NDRG3: variants seen among roughly 807,000 people sequenced by gnomAD.
NDRG3 encodes the protein NDRG family member 3.
Under a neutral mutation model 57.2 loss-of-function variants are expected in NDRG3, and 23 were observed. The observed-to-expected ratio is 0.40, with a 90% CI of 0.29 to 0.57. NDRG3 has a LOEUF of 0.57. Ranked by LOEUF, NDRG3 falls within the 20% of genes least tolerant of loss-of-function variation. The pLI is 0.42. For synonymous variants in NDRG3, 132 were observed against 162.6 expected (o/e 0.81, Z 1.43); for missense variants, 384 against 457.3 (o/e 0.84, Z 1.46).
chr20:36,723,621 T>C (rs564834703), intron 1 of NDRG3, among the ~76,000 whole-genome samples: 1 of 150,710 alleles, frequency 6.6e-6, no homozygotes, highest in East Asian at 1.9e-4. Context: ...TATGTCTGAT[T>C]GGTGGAAATC....
chr20:36,717,682 C>T (rs555623369), intron 2 of NDRG3, among the ~76,000 whole-genome samples: 1 of 152,262 alleles, frequency 6.6e-6, no homozygotes, highest in South Asian at 2.1e-4. Flanking sequence ...GCACTTGGCA[C>T]ATAAGAGATA....
rs543884599 is a variant in NDRG3 at position 36,738,340 on chromosome 20, C to T, written c.-49+7705G>A. Among the ~76,000 whole-genome samples, 7 of 149,574 alleles carry T rather than the reference C, an allele frequency of 4.7e-5. No homozygotes were observed. In the South Asian group the frequency reaches 1.5e-3, roughly 32 times the overall value. On this transcript the variant is annotated intron_variant, in intron 1 of 15. Coordinates refer to ENST00000349004, the MANE Select transcript of NDRG3 (RefSeq NM_032013.4). ...TGAAACCCCGTCTCTAATAAAAATA[C>T]AAAAATTAGCCAGGCATGGTGGCAG...
chr20:36,739,134 C>CAAAAA (rs57208101), intron 1 of NDRG3, among the ~76,000 whole-genome samples: 1 of 87,310 alleles, frequency 1.1e-5, no homozygotes, highest in African/African-American at 5.6e-5. Flanking sequence ...GACCCCATCT[C>CAAAAA]AAAAAAAAAA....
chr20:36,687,345 A>C, intron 5 of NDRG3, 147 bp downstream of exon 5: 2 of 1,014,376 alleles, frequency 2.0e-6, no homozygotes, highest in Non-Finnish European at 1.4e-6. Context: ...CAGCCCAAGG[A>C]GAGAAAATAT....
intron 3 of NDRG3, among the ~76,000 whole-genome samples, chr20:36,703,946 A>G (rs1983400040): frequency 6.6e-6 from 1 of 152,250 alleles, no homozygotes; most frequent in Non-Finnish European, 1.5e-5. Flanking sequence ...TGGAAAAAAA[A>G]TCTCAAATGA....
At chr20:36,666,522 G>A (rs1446869762) in intron 9 of NDRG3, 130 bp from the exon 10 acceptor site, 2 of 661,832 alleles carry the variant, frequency 3.0e-6, no homozygotes, top group Non-Finnish European at 5.5e-6. Context: ...AGAGCCTGGG[G>A]ACTACTGATG....
chr20:36,653,929 C>T lies in NDRG3; in HGVS notation c.947-228G>A, dbSNP rs981357145. ...TGGAATCTCAGCTGATTGTAGTCAC[C>T]GCAGAACAAGGGGAAACCCTAAATC... On this transcript the variant is annotated intron_variant, in intron 15 of 15. Transcript: ENST00000349004. The surrounding 1 kb of genome is among the most constrained non-coding windows in gnomAD (Gnocchi z 4.2). Among the ~76,000 whole-genome samples, 9 of 152,094 alleles carry T rather than the reference C, an allele frequency of 5.9e-5. No homozygotes were observed. Among genetic ancestry groups the T allele is most frequent in the African/African-American group, 1.9e-4 (8 of 41,398 alleles).
At chr20:36,736,781 G>GAA (rs1426445061) in intron 1 of NDRG3, among the ~76,000 whole-genome samples, 6 of 152,080 alleles carry the variant, frequency 3.9e-5, no homozygotes, top group Non-Finnish European at 5.9e-5. Flanking sequence ...CTGCATAAAG[G>GAA]AAAGTCTGGG....
chr20:36,680,732 T>C (rs769541204), intron 8 of NDRG3, 84 bp downstream of exon 8: 4 of 987,114 alleles, frequency 4.1e-6, no homozygotes, highest in Non-Finnish European at 1.6e-6. Context: ...TACCCTTAAC[T>C]GTATATATAC....
intron 3 of NDRG3, among the ~76,000 whole-genome samples, chr20:36,697,447 C>A (rs1355500839): frequency 6.6e-6 from 1 of 152,166 alleles, no homozygotes; most frequent in Non-Finnish European, 1.5e-5. Flanking sequence ...TGGCTCACAC[C>A]TGTAATCCCA....
chr20:36,689,187 C>A (rs747130416), intron 3 of NDRG3, among the ~76,000 whole-genome samples: 11 of 151,948 alleles, frequency 7.2e-5, no homozygotes, highest in Non-Finnish European at 1.6e-4. Flanking sequence ...AGCAAGACTT[C>A]GTCTCAAAAA....
At chr20:36,718,645 T>C (rs1015269413) in intron 2 of NDRG3, among the ~76,000 whole-genome samples, 1 of 152,132 alleles carries the variant, frequency 6.6e-6, no homozygotes, top group Admixed American at 6.5e-5. Context: ...TGTCCCCATA[T>C]GGCAGGGGAA....
chr20:36,725,132 C>T (rs890754127), intron 1 of NDRG3, among the ~76,000 whole-genome samples: 5 of 151,146 alleles, frequency 3.3e-5, no homozygotes, highest in Admixed American at 1.3e-4. Context: ...CCCATCTCTA[C>T]TAAAAATAAA....
At chr20:36,739,134 C>CAAAA (rs57208101) in intron 1 of NDRG3, among the ~76,000 whole-genome samples, 4 of 87,312 alleles carry the variant, frequency 4.6e-5, no homozygotes, top group Admixed American at 2.7e-4. Flanking sequence ...GACCCCATCT[C>CAAAA]AAAAAAAAAA....
intron 2 of NDRG3, among the ~76,000 whole-genome samples, chr20:36,712,572 TATATATATATA>T (rs1157049228): frequency 3.3e-4 from 6 of 17,918 alleles, no homozygotes; most frequent in African/African-American, 1.1e-3. Flanking sequence ...TATATATATA[TATATATATATA>T]TATATTTTTT....
At chr20:36,669,730 A>T (rs34914688) in intron 9 of NDRG3, among the ~76,000 whole-genome samples, 5,390 of 151,732 alleles carry the variant, frequency 0.036, 325 homozygotes, top group African/African-American at 0.12. Context: ...CCCAGGTAGC[A>T]GGGACTACAG....
At chr20:36,733,712 A>T (rs759320079) in intron 1 of NDRG3, among the ~76,000 whole-genome samples, 22 of 151,848 alleles carry the variant, frequency 1.4e-4, no homozygotes, top group Non-Finnish European at 2.5e-4. Flanking sequence ...AAAAATAAAA[A>T]AAAATAAAAA....
chr20:36,716,532 C>CA (rs35687613), intron 2 of NDRG3, among the ~76,000 whole-genome samples: 31,267 of 100,188 alleles, frequency 0.31, 4,536 homozygotes, highest in Middle Eastern at 0.49. Context: ...GACTCCATCT[C>CA]AAAAAAAAAA....
intron 6 of NDRG3, 63 bp from the exon 7 acceptor site, chr20:36,682,641 T>C (rs1981407439): frequency 1.4e-6 from 2 of 1,380,868 alleles, no homozygotes; most frequent in South Asian, 1.2e-5. Context: ...CATTGCATAA[T>C]TGAAAGCATA....
Sources: allele counts gnomAD v4.1 joint callset (sites outside exome capture counted in the v4.1 genomes callset), GRCh38; gene constraint gnomAD v4.1.1; non-coding constraint Gnocchi (gnomAD v3.1); transcripts MANE v1.5; gene names NCBI Gene and HGNC (gene_info 2026-07-23, HGNC 2026-07-21).